SLCO1B1: variants seen among roughly 807,000 people sequenced by gnomAD.
The protein encoded by SLCO1B1 is solute carrier organic anion transporter family member 1B1.
SLCO1B1 carries 81 observed loss-of-function variants against 70.1 expected under a neutral mutation model. The ratio of observed to expected loss-of-function variants is 1.16; its 90% CI spans 0.97 to 1.39. The LOEUF is 1.39. SLCO1B1 is among the 40% of genes most tolerant of loss of function. The probability of loss-of-function intolerance (pLI) is 0.00; values close to 1 mark genes in which losing one functional copy is unlikely to be tolerated. For synonymous variants in SLCO1B1, 283 were observed against 271.5 expected (o/e 1.04, Z -0.42); for missense variants, 895 against 799.6 (o/e 1.12, Z -1.44).
intron 9 of SLCO1B1, among the ~76,000 whole-genome samples, chr12:21,201,549 A>G (rs1941157909): frequency 6.6e-6 from 1 of 152,108 alleles, no homozygotes. Context: ...CAGGTTCTGT[A>G]TGTTTTTTAA....
intron 2 of SLCO1B1, among the ~76,000 whole-genome samples, chr12:21,143,632 C>G (rs1235775218): frequency 6.6e-6 from 1 of 151,958 alleles, no homozygotes; most frequent in Non-Finnish European, 1.5e-5. Context: ...TCCTAGGTCT[C>G]AAAGTTGGTA....
At chr12:21,171,381 G>A (rs1940753860) in intron 2 of SLCO1B1, among the ~76,000 whole-genome samples, 1 of 152,134 alleles carries the variant, frequency 6.6e-6, no homozygotes, top group South Asian at 2.1e-4. Flanking sequence ...AATATTTGTG[G>A]GGAGGTGGGT....
intron 2 of SLCO1B1, among the ~76,000 whole-genome samples, chr12:21,160,988 T>C (rs1025823040): frequency 4.6e-5 from 7 of 152,216 alleles, no homozygotes; most frequent in African/African-American, 1.7e-4. Context: ...CAGATTATTA[T>C]TATTAAAAAA....
chr12:21,165,435 C>T (rs528435139), intron 2 of SLCO1B1, among the ~76,000 whole-genome samples: 3 of 152,168 alleles, frequency 2.0e-5, no homozygotes, highest in African/African-American at 7.2e-5. Flanking sequence ...GACATATGCT[C>T]ATAAAACGTC....
At chr12:21,195,313 G>A (rs1167492004) in intron 7 of SLCO1B1, among the ~76,000 whole-genome samples, 2 of 152,168 alleles carry the variant, frequency 1.3e-5, no homozygotes, top group Non-Finnish European at 2.9e-5. Context: ...ACAGTGGACA[G>A]AGAAGCCCGT....
At chr12:21,230,952 C>G (rs1941529545) in intron 14 of SLCO1B1, among the ~76,000 whole-genome samples, 1 of 150,116 alleles carries the variant, frequency 6.7e-6, no homozygotes, top group South Asian at 2.2e-4. Flanking sequence ...AGGTATATCT[C>G]TCAGTGCTAT....
chr12:21,186,397 CCT>C (rs1463017618), intron 7 of SLCO1B1, among the ~76,000 whole-genome samples: 1 of 152,018 alleles, frequency 6.6e-6, no homozygotes, highest in Non-Finnish European at 1.5e-5. Flanking sequence ...ATGAACAGTT[CCT>C]CTCTCCAATA....
chr12:21,238,753 T>C (rs1376273774), intron 14 of SLCO1B1, among the ~76,000 whole-genome samples: 1 of 152,120 alleles, frequency 6.6e-6, no homozygotes, highest in Non-Finnish European at 1.5e-5. Context: ...TCTCGTTTTA[T>C]GAAGAAGGCC....
In SLCO1B1 at chr12:21,176,886, T is replaced by C; in HGVS notation, c.470T>C (p.Ile157Thr). ...ILSLNRASPEIVGKGCLKESG... is the reference protein window; with the variant it reads ...ILSLNRASPETVGKGCLKESG... ...TCACTCAATAGAGCATCACCTGAGA[T>C]AGTGGGAAAAGGTAAGAATTAATAT... is the stretch of plus-strand genomic sequence containing the variant. Residue 157 changes from isoleucine (I) to threonine (T), a missense_variant, in exon 5 of 15, where the codon ATA becomes ACA. Physicochemically the swap from Ile to Thr is moderately conservative, Grantham distance 89 (BLOSUM62 -1). Coordinates refer to ENST00000256958, the MANE Select transcript of SLCO1B1 (RefSeq NM_006446.5). 1 of 1,551,136 alleles carries C rather than the reference T, an allele frequency of 6.4e-7. No homozygotes were observed. Among genetic ancestry groups the C allele is most frequent in the South Asian group, 1.1e-5 (1 of 90,368 alleles).
At chr12:21,211,322 G>T (rs1257820899) in intron 11 of SLCO1B1, among the ~76,000 whole-genome samples, 5 of 152,188 alleles carry the variant, frequency 3.3e-5, no homozygotes, top group Non-Finnish European at 5.9e-5. Flanking sequence ...AGATAATCAT[G>T]TGGTTTTTGT....
chr12:21,146,029 A>G (rs1193006872), intron 2 of SLCO1B1, among the ~76,000 whole-genome samples: 2 of 152,134 alleles, frequency 1.3e-5, no homozygotes, highest in Non-Finnish European at 2.9e-5. Context: ...ATTGATATAA[A>G]TTAATTCTTA....
intron 3 of SLCO1B1, among the ~76,000 whole-genome samples, chr12:21,174,129 G>T (rs902222596): frequency 3.3e-5 from 5 of 152,008 alleles, no homozygotes; most frequent in Non-Finnish European, 5.9e-5. Flanking sequence ...TTTATCGTTA[G>T]TATGAAACTT....
intron 7 of SLCO1B1, among the ~76,000 whole-genome samples, chr12:21,191,954 G>C (rs1001459649): frequency 6.6e-6 from 1 of 151,956 alleles, no homozygotes; most frequent in Admixed American, 6.6e-5. Flanking sequence ...AGCATTTCAG[G>C]TATAAATCCC....
At chr12:21,148,333 T>C (rs1940416214) in intron 2 of SLCO1B1, among the ~76,000 whole-genome samples, 1 of 152,212 alleles carries the variant, frequency 6.6e-6, no homozygotes. Context: ...AGGGTTTTTA[T>C]GGTGTTAGGT....
intron 14 of SLCO1B1, among the ~76,000 whole-genome samples, chr12:21,232,463 G>A (rs1471566536): frequency 6.6e-6 from 1 of 152,096 alleles, no homozygotes; most frequent in African/African-American, 2.4e-5. Context: ...TCCAGTATAG[G>A]TTTCAGGAAC....
At chr12:21,204,699 C>T (rs1014761964) in intron 10 of SLCO1B1, among the ~76,000 whole-genome samples, 2 of 151,854 alleles carry the variant, frequency 1.3e-5, no homozygotes. Flanking sequence ...TATTAATACA[C>T]AGAAATTAAT....
chr12:21,195,406 G>A (rs1011306737), intron 7 of SLCO1B1, among the ~76,000 whole-genome samples: 7 of 151,978 alleles, frequency 4.6e-5, no homozygotes, highest in African/African-American at 1.5e-4. Context: ...GAAAACTGAG[G>A]TGTTTTCTTT....
intron 4 of SLCO1B1, among the ~76,000 whole-genome samples, chr12:21,175,586 A>G (rs952572788): frequency 3.3e-5 from 5 of 152,138 alleles, no homozygotes; most frequent in Admixed American, 2.0e-4. Flanking sequence ...CAAATCCAGC[A>G]ATGACATCAT....
chr12:21,193,220 A>G (rs1294886402), intron 7 of SLCO1B1, among the ~76,000 whole-genome samples: 1 of 152,188 alleles, frequency 6.6e-6, no homozygotes, highest in Non-Finnish European at 1.5e-5. Flanking sequence ...CAATTGGTCT[A>G]TAATGTTGTT....
Sources: allele counts gnomAD v4.1 joint callset (sites outside exome capture counted in the v4.1 genomes callset), GRCh38; gene constraint gnomAD v4.1.1; transcripts MANE v1.5; gene names NCBI Gene and HGNC (gene_info 2026-07-23, HGNC 2026-07-21).